ATP11A: variants seen among roughly 807,000 people sequenced by gnomAD.
ATP11A encodes phospholipid-transporting ATPase IH.
ATP11A carries 81 observed loss-of-function variants against 154.4 expected under a neutral mutation model. That is an observed-to-expected ratio of 0.52 (90% CI 0.44 to 0.63). The LOEUF (loss-of-function observed/expected upper bound fraction) is 0.63, where lower values mean the gene tolerates loss of function less well. ATP11A is among the 30% of genes least tolerant of loss of function. The pLI is 0.00. For synonymous variants in ATP11A, 623 were observed against 585.9 expected (o/e 1.06, Z -0.91); for missense variants, 1,316 against 1,474.3 (o/e 0.89, Z 1.76).
chr13:112,808,507 C>T (rs1309071608), intron 4 of ATP11A, among the ~76,000 whole-genome samples: 1 of 150,826 alleles, frequency 6.6e-6, no homozygotes, highest in Non-Finnish European at 1.5e-5. Flanking sequence ...TACTGACCTC[C>T]TTGTCCCTCT....
chr13:112,753,662 TGAG>T lies in ATP11A; in HGVS notation c.40-31469_40-31467del, dbSNP rs1003933336. ...CCCATCTTTCATTTGGGTTGTGTCT[TGAG>T]GAGCTCTTTATATACTTCTTTATTC... On this transcript the variant is annotated intron_variant, in intron 1 of 29. Coordinates refer to ENST00000375645, the MANE Select transcript of ATP11A (RefSeq NM_015205.3). The surrounding 1 kb of genome is among the most constrained non-coding windows in gnomAD (Gnocchi z 4.1). Among the ~76,000 whole-genome samples, 1 of 152,218 alleles carries T rather than the reference TGAG, an allele frequency of 6.6e-6. No individual in the cohort carries two copies. The highest frequency in any genetic ancestry group is 1.5e-5 in the Non-Finnish European group (1 of 68,044).
intron 25 of ATP11A, among the ~76,000 whole-genome samples, chr13:112,866,346 C>T (rs1480110309): frequency 6.6e-6 from 1 of 152,176 alleles, no homozygotes; most frequent in Non-Finnish European, 1.5e-5. Context: ...GGTGTGTGCG[C>T]CTCCTGACGC....
intron 1 of ATP11A, among the ~76,000 whole-genome samples, chr13:112,700,201 A>G (rs888535121): frequency 7.2e-5 from 11 of 152,214 alleles, no homozygotes; most frequent in Non-Finnish European, 1.6e-4. Context: ...AAGGATGGAA[A>G]TTACACGTTC....
intron 1 of ATP11A, among the ~76,000 whole-genome samples, chr13:112,778,669 G>A (rs921605820): frequency 2.5e-5 from 2 of 81,234 alleles, no homozygotes; most frequent in African/African-American, 1.1e-4. Context: ...GGAGTGAGGA[G>A]TAGCCACTGG....
At chr13:112,760,849 C>T (rs2076945915) in intron 1 of ATP11A, among the ~76,000 whole-genome samples, 1 of 152,194 alleles carries the variant, frequency 6.6e-6, no homozygotes, top group Non-Finnish European at 1.5e-5. Context: ...ATTCCTCATT[C>T]CTTCAGTCCA....
intron 1 of ATP11A, among the ~76,000 whole-genome samples, chr13:112,734,613 G>A (rs1456015775): frequency 2.6e-5 from 4 of 152,184 alleles, no homozygotes; most frequent in South Asian, 2.1e-4. Context: ...TGCAGACTTC[G>A]AAAATGTGAC....
chr13:112,747,634 GAGAC>G (rs1892324638), intron 1 of ATP11A, among the ~76,000 whole-genome samples: 1 of 152,168 alleles, frequency 6.6e-6, no homozygotes, highest in Non-Finnish European at 1.5e-5. Flanking sequence ...TCAGGAGTTC[GAGAC>G]CGGCCTGGCC....
chr13:112,780,689 C>T (rs1481245685), intron 1 of ATP11A, among the ~76,000 whole-genome samples: 1 of 152,206 alleles, frequency 6.6e-6, no homozygotes, highest in Non-Finnish European at 1.5e-5. Flanking sequence ...TAGATTTTTA[C>T]TTCAGCTGGA....
intron 17 of ATP11A, among the ~76,000 whole-genome samples, chr13:112,846,116 G>A (rs1257916954): frequency 2.6e-5 from 4 of 152,140 alleles, no homozygotes. Context: ...TGCTTTTGAG[G>A]TGTTTCGTGA....
Position 112,819,950 on chromosome 13 carries a change from G to A in ATP11A, c.725G>A (p.Arg242Lys), listed in dbSNP as rs1334237473. ...VYSDLNDPVV[R>K]PLGSENLLLR... is the part of the protein sequence containing the mutation. Reference sequence around the variant, plus strand: ...AGTGACCTGAATGACCCCGTGGTGAGGTGAGTGCCTCTGCGGATGCCTTGG... The same window carrying A: ...AGTGACCTGAATGACCCCGTGGTGAAGTGAGTGCCTCTGCGGATGCCTTGG... The change falls in exon 8 of 30, where the codon AGG becomes AAG. Residue 242 changes from arginine to lysine, a missense_variant and splice_region_variant. Arg to Lys is a conservative substitution (Grantham distance 26, BLOSUM62 2). Coordinates refer to ENST00000375645, the MANE Select transcript of ATP11A (RefSeq NM_015205.3). 1.9e-6 allele frequency: 3 copies of A among 1,600,150 alleles called. No individual in the cohort carries two copies. Among genetic ancestry groups the A allele is most frequent in the Admixed American group, 1.8e-5 (1 of 57,080 alleles).
chr13:112,871,337 G>T (rs139248951), intron 25 of ATP11A, among the ~76,000 whole-genome samples: 1 of 152,210 alleles, frequency 6.6e-6, no homozygotes, highest in African/African-American at 2.4e-5. Context: ...GGAGGTTTGC[G>T]TGTACCCGAG....
chr13:112,747,914 G>A (rs1892368777), intron 1 of ATP11A, among the ~76,000 whole-genome samples: 1 of 152,060 alleles, frequency 6.6e-6, no homozygotes, highest in South Asian at 2.1e-4. Context: ...TGAAGGGATG[G>A]GATGAATTTG....
At position 112,819,967 on chromosome 13, in the gene ATP11A, A is replaced by G. The variant is rs2078752773; in HGVS notation, c.725+17A>G. On this transcript the variant is annotated intron_variant, in intron 8 of 29. Coordinates refer to ENST00000375645, the MANE Select transcript of ATP11A (RefSeq NM_015205.3). The stretch of plus-strand genomic sequence containing the variant: ...CGTGGTGAGGTGAGTGCCTCTGCGG[A>G]TGCCTTGGCCACGGTCACCTCCCTT... 1 of 1,574,450 alleles carries G rather than the reference A, an allele frequency of 6.4e-7. No individual in the cohort carries two copies. The highest frequency in any genetic ancestry group is 1.1e-5 in the South Asian group (1 of 87,364).
chr13:112,882,417 C>T lies in ATP11A; in HGVS notation c.*551C>T. ...CTGTTTCCTGCTTGCCCGGCCACCA[C>T]CCATGCCCTCCATAGGGTGAGGTGG... On this transcript the variant is annotated 3_prime_UTR_variant, in exon 30 of 30. Coordinates refer to ENST00000375645, the MANE Select transcript of ATP11A (RefSeq NM_015205.3). The surrounding 1 kb of genome is among the most constrained non-coding windows in gnomAD (Gnocchi z 5.1). 1 of 428,432 alleles carries T rather than the reference C, an allele frequency of 2.3e-6. No individual in the cohort carries two copies. Among genetic ancestry groups the T allele is most frequent in the Non-Finnish European group, 4.3e-6 (1 of 233,912 alleles). 26.5% of individuals were successfully genotyped at this position (428,432 alleles called of 1,614,324 possible). A position where few individuals can be genotyped will look rare whatever the true frequency, so the allele number is the denominator to read the frequency against.
chr13:112,698,721 T>C (rs1350709357), intron 1 of ATP11A, among the ~76,000 whole-genome samples: 1 of 134,242 alleles, frequency 7.4e-6, no homozygotes, highest in African/African-American at 2.6e-5. Flanking sequence ...TATTTATCTT[T>C]ATTTATTTAT....
chr13:112,726,410 C>T (rs773503711), intron 1 of ATP11A, among the ~76,000 whole-genome samples: 1 of 152,164 alleles, frequency 6.6e-6, no homozygotes, highest in Non-Finnish European at 1.5e-5. Context: ...GGCCATGGGG[C>T]ACCATCTGTG....
At chr13:112,788,750 C>A (rs1205255624) in intron 2 of ATP11A, among the ~76,000 whole-genome samples, 1 of 151,556 alleles carries the variant, frequency 6.6e-6, no homozygotes, top group Non-Finnish European at 1.5e-5. Context: ...CCTATGTAGA[C>A]CTATTTAATT....
rs139025087 is a variant in ATP11A, at chr13:112,738,999, G to T, written c.40-46136G>T. On this transcript the variant is annotated intron_variant, in intron 1 of 29. Coordinates refer to ENST00000375645, the MANE Select transcript of ATP11A (RefSeq NM_015205.3). ...GACTAAGTATACTGCAGATACTTAG[G>T]ACTTACTTTATTGAGTTGACTGCAG... Among the ~76,000 whole-genome samples, 191 of 152,234 alleles carry T rather than the reference G, an allele frequency of 1.3e-3. No homozygotes were observed. The East Asian group carries it at 0.013, about 10-fold the overall frequency.
rs373134792 is a variant in ATP11A at position 112,826,744 on chromosome 13, C to T, written c.1074C>T (p.Tyr358=). ...DFLAFMVLFN[Y]IIPVSMYVTV... ...TGGCCTTCATGGTCCTCTTTAACTA[C>T]ATCATCCCTGTGTCCATGTACGTCA... Residue 358 remains tyrosine, a synonymous_variant, in exon 12 of 30, where the codon TAC becomes TAT. Transcript: ENST00000375645. The T allele has an allele frequency of 1.5e-5, 25 of 1,614,116 alleles. No homozygotes were observed. The highest frequency in any genetic ancestry group is 2.1e-5 in the Non-Finnish European group (25 of 1,180,054).
Sources: gnomAD v4.1 joint callset for allele counts (sites outside exome capture counted in the v4.1 genomes callset) on GRCh38, gnomAD v4.1.1 for gene constraint, Gnocchi (gnomAD v3.1) non-coding constraint, MANE v1.5 for transcripts, NCBI Gene and HGNC (gene_info 2026-07-23, HGNC 2026-07-21) for gene names.